The following CRACDL variants were observed in gnomAD, a reference collection of about 807,000 sequenced individuals.
The protein encoded by CRACDL is CRACD-like protein.
In CRACDL, 26 loss-of-function variants were observed where a neutral mutation model predicts 70.6. The observed-to-expected ratio is 0.37, with a 90% CI of 0.27 to 0.51. The LOEUF (loss-of-function observed/expected upper bound fraction) is 0.51, where lower values mean the gene tolerates loss of function less well. CRACDL is among the 20% of genes least tolerant of loss of function. The probability of loss-of-function intolerance (pLI) is 0.94; values close to 1 mark genes in which losing one functional copy is unlikely to be tolerated. For missense variants in CRACDL, 1,283 were observed against 1,376.9 expected, an observed-to-expected ratio of 0.93 and a Z score of 1.08; for synonymous variants, 618 against 615.2, an observed-to-expected ratio of 1.00 and a Z score of -0.07.
At position 98,822,984 on chromosome 2, in the gene CRACDL, C is replaced by G. The variant is rs1575349676; in HGVS notation, c.1289G>C (p.Gly430Ala). ...TTCCTTCGGGACACTGCGTTCTGGCCCGTCGCGAGCAGAGGGCGCCTCTGA... is the reference window on the plus strand; with the variant it reads ...TTCCTTCGGGACACTGCGTTCTGGCGCGTCGCGAGCAGAGGGCGCCTCTGA... Reference protein sequence around the residue: ...ATSEAPSARDGPERSVPKEAE... With the variant: ...ATSEAPSARDAPERSVPKEAE... Residue 430 changes from glycine (G) to alanine (A), a missense_variant, in exon 7 of 10, where the codon GGG (glycine) becomes GCG (alanine). Around this residue, in one of 2 missense-constraint regions of CRACDL, gnomAD observed 921 missense variants for 881.9 expected, o/e 1.04. Coordinates refer to ENST00000397899, the MANE Select transcript of CRACDL (RefSeq NM_207362.3). This position sits in a 1 kb window ranked among gnomAD's most constrained non-coding sequence, Gnocchi z 4.9. The G allele has an allele frequency of 1.3e-6, 2 of 1,490,180 alleles. No homozygotes were observed. Among genetic ancestry groups the G allele is most frequent in the East Asian group, 5.4e-5 (2 of 36,960 alleles). The allele number at this position is 1,490,180 out of a possible 1,614,324, so 92.3% of individuals were successfully genotyped here. A position where few individuals can be genotyped will look rare whatever the true frequency, so the allele number is the denominator to read the frequency against.
intron 7 of CRACDL, among the ~76,000 whole-genome samples, chr2:98,813,368 G>A (rs1559206909): frequency 6.6e-6 from 1 of 152,152 alleles, no homozygotes; most frequent in African/African-American, 2.4e-5. Flanking sequence ...GCAGATGGAG[G>A]TTGCAGTGAG....
intron 7 of CRACDL, among the ~76,000 whole-genome samples, chr2:98,815,235 T>C (rs1373871221): frequency 7.9e-5 from 12 of 152,254 alleles, no homozygotes; most frequent in African/African-American, 7.2e-5. Flanking sequence ...GTTCTTTGTA[T>C]GTTGGATAAT....
At chr2:98,849,698 C>T (rs772663497) in intron 1 of CRACDL, among the ~76,000 whole-genome samples, 1 of 151,856 alleles carries the variant, frequency 6.6e-6, no homozygotes, top group Non-Finnish European at 1.5e-5. Context: ...AGTGGACTCA[C>T]ACAAGGAGGC....
At chr2:98,896,665 C>T (rs529186015) in intron 1 of CRACDL, among the ~76,000 whole-genome samples, 1 of 152,274 alleles carries the variant, frequency 6.6e-6, no homozygotes, top group East Asian at 1.9e-4. Flanking sequence ...ACAGAACCAA[C>T]ACCCTGCGTC....
At chr2:98,898,045 G>T (rs1573166866) in intron 1 of CRACDL, among the ~76,000 whole-genome samples, 1 of 152,196 alleles carries the variant, frequency 6.6e-6, no homozygotes, top group African/African-American at 2.4e-5. Flanking sequence ...GGATTTACAG[G>T]TTGTCACATA....
chr2:98,906,576 T>C (rs1182641653), intron 1 of CRACDL, among the ~76,000 whole-genome samples: 1 of 152,188 alleles, frequency 6.6e-6, no homozygotes, highest in Non-Finnish European at 1.5e-5. Flanking sequence ...AACCAGTGAA[T>C]TCCTCATTTG....
intron 3 of CRACDL, among the ~76,000 whole-genome samples, chr2:98,836,704 G>A (rs945365779): frequency 1.3e-5 from 2 of 152,020 alleles, no homozygotes; most frequent in Non-Finnish European, 2.9e-5. Context: ...GTTTCCCTGG[G>A]GCTTGCAAAG....
chr2:98,808,252 C>T (rs992085540), intron 7 of CRACDL, among the ~76,000 whole-genome samples: 3 of 152,130 alleles, frequency 2.0e-5, no homozygotes, highest in Non-Finnish European at 4.4e-5. Flanking sequence ...GTTTGAGAAG[C>T]GCCGCTGTCC....
chr2:98,838,419 T>C, intron 2 of CRACDL, 132 bp from the exon 3 acceptor site: 1 of 531,616 alleles, frequency 1.9e-6, no homozygotes, highest in Non-Finnish European at 3.2e-6. Context: ...TTCTGAAAAG[T>C]CCTTTTACTT....
At chr2:98,861,899 G>A (rs1706951957) in intron 1 of CRACDL, among the ~76,000 whole-genome samples, 1 of 152,184 alleles carries the variant, frequency 6.6e-6, no homozygotes, top group South Asian at 2.1e-4. Context: ...AAGCAAAAGG[G>A]ACCCTGTCCT....
chr2:98,805,032 T>C (rs568816967), intron 7 of CRACDL, among the ~76,000 whole-genome samples: 6 of 152,286 alleles, frequency 3.9e-5, no homozygotes, highest in African/African-American at 1.2e-4. Flanking sequence ...TTTTGAATCT[T>C]TCTCTCCAGT....
At chr2:98,837,954 TTC>T (rs1410613772) in intron 3 of CRACDL, among the ~76,000 whole-genome samples, 163 bp downstream of exon 3, 1 of 152,200 alleles carries the variant, frequency 6.6e-6, no homozygotes, top group African/African-American at 2.4e-5. Flanking sequence ...ACACACAGCA[TTC>T]TCCATCCCTA....
At chr2:98,800,255 C>A (rs998486259) in intron 7 of CRACDL, among the ~76,000 whole-genome samples, 2 of 152,148 alleles carry the variant, frequency 1.3e-5, no homozygotes, top group Admixed American at 6.5e-5. Context: ...AAGGGCTATG[C>A]GGACACAGGG....
intron 1 of CRACDL, among the ~76,000 whole-genome samples, chr2:98,892,043 A>G (rs1431094646): frequency 1.3e-5 from 2 of 152,208 alleles, no homozygotes; most frequent in East Asian, 3.8e-4. Context: ...ACACTACTCA[A>G]TTGGCAGAGT....
At chr2:98,804,517 T>C (rs1704209224) in intron 7 of CRACDL, among the ~76,000 whole-genome samples, 2 of 152,228 alleles carry the variant, frequency 1.3e-5, no homozygotes, top group Non-Finnish European at 2.9e-5. Context: ...CTTATTGTTT[T>C]AGCTCTTACA....
intron 1 of CRACDL, chr2:98,913,013 C>T (rs1440193377): frequency 6.6e-6 from 1 of 152,248 alleles, no homozygotes; most frequent in African/African-American, 2.4e-5. Flanking sequence ...ACCTGTTACT[C>T]TTTATCACTG....
chr2:98,922,553 A>T (rs1228919476), intron 1 of CRACDL, among the ~76,000 whole-genome samples: 2 of 152,214 alleles, frequency 1.3e-5, no homozygotes, highest in African/African-American at 4.8e-5. Context: ...CCAGTGGGCC[A>T]GCTGGCCTGG....
intron 2 of CRACDL, among the ~76,000 whole-genome samples, chr2:98,843,882 A>G: frequency 6.6e-6 from 1 of 152,172 alleles, no homozygotes; most frequent in Non-Finnish European, 1.5e-5. Context: ...CAGCTTGCCA[A>G]TATCTGCAAA....
intron 7 of CRACDL, among the ~76,000 whole-genome samples, chr2:98,798,515 G>A (rs1273912367): frequency 1.5e-5 from 2 of 136,980 alleles, no homozygotes; most frequent in Non-Finnish European, 3.1e-5. Flanking sequence ...CATATGTTTT[G>A]TGGAATCTCC....
Sources: allele counts gnomAD v4.1 joint callset (sites outside exome capture counted in the v4.1 genomes callset), GRCh38; gene constraint gnomAD v4.1.1; regional missense constraint gnomAD v4.1.1; non-coding constraint Gnocchi (gnomAD v3.1); transcripts MANE v1.5; gene names NCBI Gene and HGNC (gene_info 2026-07-23, HGNC 2026-07-21).